Variants in SLC25A12 observed in about 807,000 individuals in gnomAD.
The protein encoded by SLC25A12 is electrogenic aspartate/glutamate antiporter SLC25A12, mitochondrial.
A neutral mutation model predicts 83.3 loss-of-function variants in SLC25A12; 32 were observed. That is an observed-to-expected ratio of 0.38 (90% CI 0.29 to 0.52). SLC25A12 has a LOEUF of 0.52. Ranked by LOEUF, SLC25A12 falls within the 20% of genes least tolerant of loss-of-function variation. The probability of loss-of-function intolerance (pLI) is 0.84; values close to 1 mark genes in which losing one functional copy is unlikely to be tolerated. For synonymous variants in SLC25A12, 267 were observed against 291.1 expected (o/e 0.92, Z 0.84); for missense variants, 611 against 835.6 (o/e 0.73, Z 3.31).
At chr2:171,850,541 T>C (rs1392560382) in intron 4 of SLC25A12, among the ~76,000 whole-genome samples, 1 of 151,846 alleles carries the variant, frequency 6.6e-6, no homozygotes, top group Non-Finnish European at 1.5e-5. Context: ...AGAGATGGGG[T>C]TTCACCATAT....
intron 13 of SLC25A12, among the ~76,000 whole-genome samples, chr2:171,800,459 C>G (rs1683688213): frequency 6.6e-6 from 1 of 152,020 alleles, no homozygotes; most frequent in African/African-American, 2.4e-5. Context: ...ACAATGATTA[C>G]TATCAAAAAC....
chr2:171,808,757 A>G (rs1213043299), intron 13 of SLC25A12, among the ~76,000 whole-genome samples: 1 of 152,086 alleles, frequency 6.6e-6, no homozygotes, highest in South Asian at 2.1e-4. Flanking sequence ...TGCAGGTTTG[A>G]TACATAGGTA....
intron 17 of SLC25A12, among the ~76,000 whole-genome samples, chr2:171,786,240 C>G (rs184776838): frequency 0.018 from 2,717 of 151,362 alleles, 52 homozygotes; most frequent in Admixed American, 0.067. Context: ...AAAAATTAGC[C>G]AGGCGCGGTG....
chr2:171,889,008 T>C (rs970731293), intron 2 of SLC25A12, among the ~76,000 whole-genome samples: 19 of 152,204 alleles, frequency 1.2e-4, no homozygotes, highest in African/African-American at 3.6e-4. Flanking sequence ...ATAATCTACA[T>C]TTTAACCTTT....
rs71013073 is a variant in SLC25A12, at chr2:171,805,114, G to GT, written c.1305+4491dup. 7.7e-4 allele frequency among the ~76,000 whole-genome samples: 109 copies of GT among 141,088 alleles called. 1 individual carries two copies. The highest frequency in any genetic ancestry group is 3.6e-3 in the South Asian group (16 of 4,392). The allele number at this position is 141,088 out of a possible 152,430, so 92.6% of individuals were successfully genotyped here. Reference sequence around the variant, plus strand: ...GTTTTTTTGTTTTGTTTTGTTTTTTGTTTTTTTTTTTTGAGACAGAGTCTC... The same window carrying GT: ...GTTTTTTTGTTTTGTTTTGTTTTTTGTTTTTTTTTTTTTGAGACAGAGTCTC... On this transcript the variant is annotated intron_variant, in intron 13 of 17. Coordinates refer to ENST00000422440, the MANE Select transcript of SLC25A12 (RefSeq NM_003705.5).
intron 2 of SLC25A12, among the ~76,000 whole-genome samples, chr2:171,884,475 T>A (rs998409628): frequency 6.6e-6 from 1 of 151,320 alleles, no homozygotes; most frequent in Non-Finnish European, 1.5e-5. Flanking sequence ...CCTAGAATGT[T>A]AGGTTCTAGG....
chr2:171,811,505 A>T (rs1683945334), intron 11 of SLC25A12, among the ~76,000 whole-genome samples: 1 of 152,178 alleles, frequency 6.6e-6, no homozygotes, highest in Non-Finnish European at 1.5e-5. Flanking sequence ...GATTTGTGTC[A>T]TTTTATCATT....
intron 4 of SLC25A12, among the ~76,000 whole-genome samples, chr2:171,854,461 G>A (rs1187319958): frequency 1.3e-5 from 2 of 152,102 alleles, no homozygotes; most frequent in Non-Finnish European, 2.9e-5. Context: ...CAGCTATTCG[G>A]GAGGCTGAGG....
chr2:171,836,927 CACAT>C (rs377131857), intron 6 of SLC25A12, among the ~76,000 whole-genome samples, 190 bp downstream of exon 6: 2 of 151,484 alleles, frequency 1.3e-5, no homozygotes, highest in African/African-American at 4.8e-5. Flanking sequence ...ATTACACACA[CACAT>C]ACATACATTC....
At chr2:171,866,456 A>AG (rs1685308707) in intron 3 of SLC25A12, among the ~76,000 whole-genome samples, 1 of 43,374 alleles carries the variant, frequency 2.3e-5, no homozygotes, top group South Asian at 7.5e-4. Flanking sequence ...CTGGCCGGGC[A>AG]GGGGGCTGAC....
chr2:171,851,145 C>T (rs1684918453), intron 4 of SLC25A12, among the ~76,000 whole-genome samples: 1 of 151,700 alleles, frequency 6.6e-6, no homozygotes, highest in Non-Finnish European at 1.5e-5. Flanking sequence ...TAACATGTTT[C>T]ATACTCATTT....
intron 13 of SLC25A12, among the ~76,000 whole-genome samples, chr2:171,794,255 T>C (rs936012369): frequency 2.0e-5 from 3 of 152,210 alleles, no homozygotes; most frequent in African/African-American, 7.2e-5. Flanking sequence ...CCTTGGATTG[T>C]AGAGCAATTA....
Position 171,892,206 on chromosome 2 carries a change from C to A in SLC25A12, c.66+999G>T, listed in dbSNP as rs12470947. ...GAGAAATGCAATATTTGGTGAAACACCTTAGCTTGCCTCCCTTTACATCTA... is the reference window on the plus strand; with the variant it reads ...GAGAAATGCAATATTTGGTGAAACAACTTAGCTTGCCTCCCTTTACATCTA... On this transcript the variant is annotated intron_variant, in intron 2 of 17. Coordinates refer to ENST00000422440, the MANE Select transcript of SLC25A12 (RefSeq NM_003705.5). 5.3e-5 allele frequency among the ~76,000 whole-genome samples: 8 copies of A among 150,906 alleles called. No homozygotes were observed. In the Admixed American group the frequency reaches 5.3e-4, roughly 10 times the overall value.
At chr2:171,806,200 C>T (rs1683823953) in intron 13 of SLC25A12, among the ~76,000 whole-genome samples, 2 of 152,178 alleles carry the variant, frequency 1.3e-5, no homozygotes, top group South Asian at 4.1e-4. Context: ...TGGCTCACGC[C>T]CGTAATCCCA....
Position 171,818,572 on chromosome 2 carries a change from G to A in SLC25A12, c.931-3370C>T, listed in dbSNP as rs376726247. Among the ~76,000 whole-genome samples, 13 of 151,810 alleles carry A rather than the reference G, an allele frequency of 8.6e-5. No individual in the cohort carries two copies. The South Asian group carries it at 1.5e-3, about 17-fold the overall frequency. ...AGATCACTTGAGCCCAAGAGTTCAAGACCAGCCTGGGCAACATGGTAAAAC... is the reference window on the plus strand; with the variant it reads ...AGATCACTTGAGCCCAAGAGTTCAAAACCAGCCTGGGCAACATGGTAAAAC... On this transcript the variant is annotated intron_variant, in intron 9 of 17. Transcript: ENST00000422440.
rs537758536 is a variant in SLC25A12 at position 171,802,775 on chromosome 2, C to T, written c.1305+6831G>A. Among the ~76,000 whole-genome samples the T allele has an allele frequency of 1.4e-3, 219 of 151,836 alleles. 3 individuals are homozygous for T. The South Asian group carries it at 0.044, about 31-fold the overall frequency. On this transcript the variant is annotated intron_variant, in intron 13 of 17. Coordinates refer to ENST00000422440, the MANE Select transcript of SLC25A12 (RefSeq NM_003705.5). ...TGGGCGACAGTGCGAGACTCTGTCT[C>T]GAAAAAATAAAAATAAAAATAAAAA...
At chr2:171,819,220 A>C (rs1196132063) in intron 9 of SLC25A12, among the ~76,000 whole-genome samples, 2 of 133,122 alleles carry the variant, frequency 1.5e-5, no homozygotes, top group African/African-American at 5.6e-5. Flanking sequence ...TATATAATAC[A>C]TATTATATAT....
chr2:171,857,058 T>C (rs910665690), intron 3 of SLC25A12, among the ~76,000 whole-genome samples: 3 of 152,180 alleles, frequency 2.0e-5, no homozygotes, highest in South Asian at 2.1e-4. Context: ...GTTATACATG[T>C]TTGAAACATC....
At chr2:171,849,195 T>TAATA (rs890826602) in intron 4 of SLC25A12, among the ~76,000 whole-genome samples, 13 of 150,172 alleles carry the variant, frequency 8.7e-5, no homozygotes, top group Admixed American at 3.3e-4. Context: ...GTCTCAAAAT[T>TAATA]AATAAATAAA....
Sources: allele counts gnomAD v4.1 joint callset (sites outside exome capture counted in the v4.1 genomes callset), GRCh38; gene constraint gnomAD v4.1.1; transcripts MANE v1.5; gene names NCBI Gene and HGNC (gene_info 2026-07-23, HGNC 2026-07-21).